Variants in MGMT observed in about 807,000 individuals in gnomAD.
MGMT encodes O-6-methylguanine-DNA methyltransferase.
A neutral mutation model predicts 15.9 loss-of-function variants in MGMT; 14 were observed. That is an observed-to-expected ratio of 0.88 (90% CI 0.58 to 1.37). The LOEUF is 1.37. Among genes scored for constraint, MGMT ranks in the 40% most tolerant of loss-of-function variants. The pLI, the probability that MGMT is intolerant of heterozygous loss-of-function variation, is 0.00. For synonymous variants in MGMT, 130 were observed against 118.2 expected (o/e 1.10, Z -0.65); for missense variants, 282 against 268.1 (o/e 1.05, Z -0.36).
chr10:129,576,255 T>C (rs1289197626), intron 2 of MGMT, among the ~76,000 whole-genome samples: 2 of 152,128 alleles, frequency 1.3e-5, no homozygotes, highest in East Asian at 3.8e-4. Context: ...TAGACCAATA[T>C]CCTTGATGAA....
intron 3 of MGMT, among the ~76,000 whole-genome samples, chr10:129,728,098 T>C (rs900658727): frequency 1.3e-5 from 2 of 152,026 alleles, no homozygotes; most frequent in African/African-American, 4.8e-5. Flanking sequence ...ACAGGACTCA[T>C]TGGACTGTCC....
chr10:129,679,272 A>G (rs1847820413), intron 2 of MGMT, among the ~76,000 whole-genome samples: 1 of 152,144 alleles, frequency 6.6e-6, no homozygotes, highest in African/African-American at 2.4e-5. Context: ...GGTTCTAGGA[A>G]CAAAGTGATT....
At chr10:129,568,718 T>A (rs1036886487) in intron 2 of MGMT, among the ~76,000 whole-genome samples, 3 of 152,178 alleles carry the variant, frequency 2.0e-5, no homozygotes, top group Non-Finnish European at 4.4e-5. Context: ...CCTATGGACC[T>A]GGAGGGCTCT....
chr10:129,516,862 C>T (rs1845743780), intron 1 of MGMT, among the ~76,000 whole-genome samples: 1 of 152,216 alleles, frequency 6.6e-6, no homozygotes, highest in South Asian at 2.1e-4. Flanking sequence ...GTTATGTGCA[C>T]TCATAGCAGA....
chr10:129,474,812 G>A (rs550639208), intron 1 of MGMT, among the ~76,000 whole-genome samples: 70 of 152,276 alleles, frequency 4.6e-4, no homozygotes, highest in African/African-American at 1.6e-3. Context: ...GGGCTGGTGC[G>A]GCTGAGTGTG....
chr10:129,569,817 G>A (rs1193987967), intron 2 of MGMT, among the ~76,000 whole-genome samples: 1 of 152,222 alleles, frequency 6.6e-6, no homozygotes, highest in East Asian at 1.9e-4. Context: ...AACAGGCACA[G>A]GTGACCTTAT....
intron 1 of MGMT, among the ~76,000 whole-genome samples, chr10:129,467,822 G>T (rs1564826567): frequency 6.6e-6 from 1 of 152,198 alleles, no homozygotes. Context: ...CTTAGAGTAA[G>T]CAAGGCTCGC....
intron 2 of MGMT, among the ~76,000 whole-genome samples, chr10:129,699,787 A>C (rs1284807218): frequency 1.3e-5 from 2 of 152,084 alleles, no homozygotes; most frequent in Admixed American, 1.3e-4. Context: ...CCTCCTGTTT[A>C]CTTCTGCGCT....
intron 2 of MGMT, among the ~76,000 whole-genome samples, chr10:129,555,170 C>T (rs888727573): frequency 6.6e-5 from 10 of 152,196 alleles, no homozygotes; most frequent in African/African-American, 1.2e-4. Context: ...CTGCCCTACC[C>T]GCTGCCCACA....
rs142419115 is a variant in MGMT at position 129,715,323 on chromosome 10, G to A, written c.274+7280G>A. On this transcript the variant is annotated intron_variant, in intron 3 of 4. Coordinates refer to ENST00000651593, the MANE Select transcript of MGMT (RefSeq NM_002412.5). ...GAAGGATTTTCCGCAGTGTCCTGGC[G>A]TTGGCCTTGAGTGGACTTCTCAAAA... is the stretch of plus-strand genomic sequence containing the variant. 1.3e-3 allele frequency among the ~76,000 whole-genome samples: 193 copies of A among 152,306 alleles called. 1 individual carries two copies. Among genetic ancestry groups the A allele is most frequent in the Middle Eastern group, 6.8e-3 (2 of 294 alleles).
rs560240921 is a variant in MGMT at position 129,686,758 on chromosome 10, G to A, written c.126-21137G>A. Among the ~76,000 whole-genome samples, 158 of 152,314 alleles carry A rather than the reference G, an allele frequency of 1.0e-3. 2 individuals are homozygous for A. Among genetic ancestry groups the A allele is most frequent in the African/African-American group, 2.8e-3 (118 of 41,568 alleles). On this transcript the variant is annotated intron_variant, in intron 2 of 4. Coordinates refer to ENST00000651593, the MANE Select transcript of MGMT (RefSeq NM_002412.5). ...ATGCCTGGCATAGGTGACATCATGC[G>A]AACAAGTGATGGTTCAGAATACAGA...
chr10:129,757,477 A>G (rs956554163), intron 3 of MGMT, among the ~76,000 whole-genome samples: 2 of 152,222 alleles, frequency 1.3e-5, no homozygotes, highest in African/African-American at 4.8e-5. Flanking sequence ...AGCACAGAAA[A>G]CAAAACCACC....
intron 1 of MGMT, among the ~76,000 whole-genome samples, chr10:129,484,049 T>C (rs2119641255): frequency 6.6e-6 from 1 of 152,346 alleles, no homozygotes; most frequent in East Asian, 1.9e-4. Flanking sequence ...GTATTTCAAC[T>C]GAGACCTGTC....
intron 1 of MGMT, among the ~76,000 whole-genome samples, chr10:129,516,611 A>G (rs1269318137): frequency 2.6e-4 from 39 of 152,234 alleles, no homozygotes. Context: ...TTCCTCTTCA[A>G]TGGAAATCTA....
chr10:129,570,648 C>T (rs1846407169), intron 2 of MGMT, among the ~76,000 whole-genome samples: 1 of 152,204 alleles, frequency 6.6e-6, no homozygotes, highest in Non-Finnish European at 1.5e-5. Flanking sequence ...TAAATCTAAT[C>T]TGCAATGCTG....
chr10:129,585,487 G>A (rs953144596), intron 2 of MGMT, among the ~76,000 whole-genome samples: 5 of 152,082 alleles, frequency 3.3e-5, no homozygotes, highest in African/African-American at 9.7e-5. Flanking sequence ...GACTCCTCTC[G>A]GATACTAACA....
chr10:129,514,513 A>T (rs1845716996), intron 1 of MGMT, among the ~76,000 whole-genome samples: 1 of 152,216 alleles, frequency 6.6e-6, no homozygotes, highest in African/African-American at 2.4e-5. Flanking sequence ...CATTTAAACC[A>T]CTATAATTTC....
intron 2 of MGMT, among the ~76,000 whole-genome samples, chr10:129,699,657 A>G (rs955086891): frequency 6.6e-6 from 1 of 152,202 alleles, no homozygotes; most frequent in Non-Finnish European, 1.5e-5. Flanking sequence ...AGTGAGATTT[A>G]TGTCCACCTT....
intron 2 of MGMT, among the ~76,000 whole-genome samples, chr10:129,588,114 A>G (rs1846638563): frequency 6.6e-6 from 1 of 152,202 alleles, no homozygotes; most frequent in African/African-American, 2.4e-5. Context: ...GTAAGAGGAG[A>G]GATCATGGCC....
Sources: gnomAD v4.1 joint callset for allele counts (sites outside exome capture counted in the v4.1 genomes callset) on GRCh38, gnomAD v4.1.1 for gene constraint, MANE v1.5 for transcripts, NCBI Gene and HGNC (gene_info 2026-07-23, HGNC 2026-07-21) for gene names.